BPTF: variants seen among roughly 807,000 people sequenced by gnomAD.
BPTF encodes the protein bromodomain PHD finger transcription factor.
Under a neutral mutation model 292.5 loss-of-function variants are expected in BPTF, and 18 were observed. That is an observed-to-expected ratio of 0.06 (90% CI 0.04 to 0.09). The LOEUF (loss-of-function observed/expected upper bound fraction) is 0.09, where lower values mean the gene tolerates loss of function less well. Ranked by LOEUF, BPTF falls within the 10% of genes least tolerant of loss-of-function variation. The pLI is 1.00. For synonymous variants in BPTF, 1,225 were observed against 1,251.9 expected (o/e 0.98, Z 0.45); for missense variants, 2,726 against 3,498.7 (o/e 0.78, Z 5.57).
intron 26 of BPTF, among the ~76,000 whole-genome samples, chr17:67,967,729 G>C (rs1255087866): frequency 6.8e-6 from 1 of 146,280 alleles, no homozygotes; most frequent in Non-Finnish European, 1.5e-5. Flanking sequence ...TGAGGCACAA[G>C]AATCACTTGA....
intron 1 of BPTF, among the ~76,000 whole-genome samples, chr17:67,846,701 T>G (rs540722910): frequency 7.2e-4 from 110 of 152,174 alleles, no homozygotes; most frequent in African/African-American, 2.6e-3. Context: ...TTAGGACTTG[T>G]GTGGGTTTGT....
chr17:67,911,430 A>G lies in BPTF; in HGVS notation c.3546A>G (p.Gln1182=). 6.2e-7 allele frequency: 1 copy of G among 1,614,152 alleles called. No individual in the cohort carries two copies. The highest frequency in any genetic ancestry group is 1.1e-5 in the South Asian group (1 of 91,074). The change falls in exon 11 of 28, where the codon CAA becomes CAG. Residue 1182 remains glutamine, a synonymous_variant. Coordinates refer to ENST00000306378, the MANE Select transcript of BPTF (RefSeq NM_182641.4). ...GCCCAGAAACAAAATGTCCGAAACA[A>G]AATTCCATTGAAAATGACATAGAAG... is the stretch of plus-strand genomic sequence containing the variant. ...IRSPETKCPK[Q]NSIENDIEEK... is the part of the protein sequence containing the mutation.
intron 10 of BPTF, among the ~76,000 whole-genome samples, chr17:67,910,673 G>A (rs2062592334): frequency 6.6e-6 from 1 of 152,016 alleles, no homozygotes; most frequent in East Asian, 1.9e-4. Flanking sequence ...GGTGGCACAT[G>A]CCTATAATCC....
intron 24 of BPTF, among the ~76,000 whole-genome samples, chr17:67,962,972 T>G (rs533751822): frequency 6.6e-6 from 1 of 152,308 alleles, no homozygotes; most frequent in East Asian, 1.9e-4. Context: ...GATGTAAGTC[T>G]TTGATTCTTT....
rs782505561 is a variant in BPTF at position 67,945,596 on chromosome 17, G to A, written c.6888G>A (p.Gln2296=). The A allele has an allele frequency of 2.5e-6, 4 of 1,612,212 alleles. No individual in the cohort carries two copies. Among genetic ancestry groups the A allele is most frequent in the Non-Finnish European group, 3.4e-6 (4 of 1,179,170 alleles). ...QSPAQPEVQT[Q]PEVQTQTTVS... ...CAGCTCAGCCTGAAGTTCAGACTCA[G>A]CCTGAAGTTCAGACCCAAACAACTG... is the stretch of plus-strand genomic sequence containing the variant. The change falls in exon 21 of 28, where the codon CAG becomes CAA. Residue 2296 remains glutamine (Q), a synonymous_variant. Transcript: ENST00000306378.
intron 1 of BPTF, among the ~76,000 whole-genome samples, chr17:67,853,646 T>C (rs2144969753): frequency 6.6e-6 from 1 of 152,100 alleles, no homozygotes; most frequent in African/African-American, 2.4e-5. Context: ...TCTGACACTG[T>C]TATTTTTTAA....
In BPTF at chr17:67,946,125, A is replaced by G; in HGVS notation, c.7417A>G (p.Ile2473Val). 1 of 1,614,154 alleles carries G rather than the reference A, an allele frequency of 6.2e-7. No homozygotes were observed. Among genetic ancestry groups the G allele is most frequent in the Non-Finnish European group, 8.5e-7 (1 of 1,180,030 alleles). The change falls in exon 21 of 28, where the codon ATC becomes GTC. Residue 2473 changes from isoleucine (I) to valine (V), a missense_variant. By Grantham distance (29) the Ile-to-Val change is conservative. This residue lies in a region of BPTF where 570 missense variants were observed against 633.5 expected (regional missense o/e 0.90). Coordinates refer to ENST00000306378, the MANE Select transcript of BPTF (RefSeq NM_182641.4). ...VPQQIKLQLPIQIQQSSAVQT... is the reference protein window; with the variant it reads ...VPQQIKLQLPVQIQQSSAVQT... The stretch of plus-strand genomic sequence containing the variant: ...CCAGCAAATCAAACTCCAGTTACCT[A>G]TCCAAATTCAGCAAAGCAGTGCTGT...
At chr17:67,878,849 T>G (rs899063554) in intron 4 of BPTF, among the ~76,000 whole-genome samples, 5 of 152,202 alleles carry the variant, frequency 3.3e-5, no homozygotes, top group African/African-American at 1.2e-4. Context: ...AGCAGAAGTA[T>G]CTACACTGAA....
intron 1 of BPTF, among the ~76,000 whole-genome samples, chr17:67,846,096 C>T (rs981724205): frequency 2.0e-5 from 3 of 152,054 alleles, no homozygotes; most frequent in Non-Finnish European, 2.9e-5. Context: ...GTTGATGAAC[C>T]ATTGTATTTA....
chr17:67,838,020 A>G (rs1190729351), intron 1 of BPTF, among the ~76,000 whole-genome samples: 1 of 152,198 alleles, frequency 6.6e-6, no homozygotes, highest in Non-Finnish European at 1.5e-5. Flanking sequence ...CCTGTACAGT[A>G]TAGGATGGAC....
At chr17:67,857,211 G>A (rs1379440811) in intron 2 of BPTF, among the ~76,000 whole-genome samples, 1 of 142,228 alleles carries the variant, frequency 7.0e-6, no homozygotes, top group African/African-American at 2.6e-5. Flanking sequence ...GCTGGAGTGC[G>A]AGTGCAATGG....
intron 26 of BPTF, among the ~76,000 whole-genome samples, chr17:67,968,521 G>A (rs782549795): frequency 3.3e-5 from 5 of 151,452 alleles, no homozygotes; most frequent in Non-Finnish European, 7.4e-5. Context: ...GCTCACGCCT[G>A]TAATACCAGC....
chr17:67,957,973 A>G (rs1405090991), intron 23 of BPTF, among the ~76,000 whole-genome samples: 2 of 152,216 alleles, frequency 1.3e-5, no homozygotes, highest in Non-Finnish European at 2.9e-5. Context: ...CATTTCCAAG[A>G]GTAAGTTGTA....
At chr17:67,924,650 A>G in intron 15 of BPTF, 61 bp downstream of exon 15, 1 of 1,570,248 alleles carries the variant, frequency 6.4e-7, no homozygotes, top group Non-Finnish European at 8.7e-7. Flanking sequence ...TTCAAAACAA[A>G]AGCACTTGAC....
chr17:67,859,616 GTAGTC>G (rs1482094241), intron 2 of BPTF, among the ~76,000 whole-genome samples: 1 of 152,170 alleles, frequency 6.6e-6, no homozygotes, highest in Non-Finnish European at 1.5e-5. Flanking sequence ...ATTTTATACT[GTAGTC>G]TAGTTTTCAA....
intron 9 of BPTF, among the ~76,000 whole-genome samples, chr17:67,908,826 A>ATTTT (rs34934455): frequency 0.017 from 1,830 of 106,216 alleles, 3 homozygotes; most frequent in East Asian, 0.05. Flanking sequence ...GTCACTGACA[A>ATTTT]TTTTTTTTTT....
intron 27 of BPTF, among the ~76,000 whole-genome samples, chr17:67,976,714 A>AAAAAAAAAAAAAAAAG (rs1555694156): frequency 1.7e-5 from 2 of 116,588 alleles, no homozygotes; most frequent in African/African-American, 7.1e-5. Flanking sequence ...AAAAAAAAAA[A>AAAAAAAAAAAAAAAAG]ATAAGAATAA....
At chr17:67,953,690 C>T (rs2066617997) in intron 23 of BPTF, among the ~76,000 whole-genome samples, 1 of 151,576 alleles carries the variant, frequency 6.6e-6, no homozygotes, top group Admixed American at 6.6e-5. Flanking sequence ...ATTCTCCTGC[C>T]TCAGCCTCCC....
intron 1 of BPTF, among the ~76,000 whole-genome samples, chr17:67,843,112 A>C (rs2057693474): frequency 6.6e-6 from 1 of 150,648 alleles, no homozygotes; most frequent in Non-Finnish European, 1.5e-5. Flanking sequence ...ATATATGTAG[A>C]TGTATGTAGA....
Sources: allele counts gnomAD v4.1 joint callset (sites outside exome capture counted in the v4.1 genomes callset), GRCh38; gene constraint gnomAD v4.1.1; regional missense constraint gnomAD v4.1.1; transcripts MANE v1.5; gene names NCBI Gene and HGNC (gene_info 2026-07-23, HGNC 2026-07-21).